The following OR6F1 variants were observed in gnomAD, a reference collection of about 807,000 sequenced individuals.
The protein encoded by OR6F1 is olfactory receptor family 6 subfamily F member 1.
For missense variants in OR6F1, 346 were observed against 376.0 expected, an observed-to-expected ratio of 0.92 and a Z score of 0.66; for synonymous variants, 144 against 150.0, an observed-to-expected ratio of 0.96 and a Z score of 0.29.
intron 1 of OR6F1, among the ~76,000 whole-genome samples, chr1:247,714,739 T>G (rs1010326273): frequency 6.6e-6 from 1 of 152,128 alleles, no homozygotes; most frequent in African/African-American, 2.4e-5. Flanking sequence ...TAGATACTGA[T>G]GGGTGACATA....
chr1:247,716,202 A>C (rs1660101361), intron 1 of OR6F1, 129 bp downstream of exon 1: 1 of 152,274 alleles, frequency 6.6e-6, no homozygotes, highest in Admixed American at 6.6e-5. Flanking sequence ...GCAGTGAGCC[A>C]GGATCGCGCC....
chr1:247,712,520 G>T lies in OR6F1; in HGVS notation c.236C>A (p.Pro79His), dbSNP rs1572461009. Reference protein sequence around the residue: ...LEIWYTTAAVPKALAILLGRS... With the variant: ...LEIWYTTAAVHKALAILLGRS... ...CCCCAGTAGGATGGCCAGTGCTTTGGGCACTGCTGCTGTGGTATACCAAAT... is the reference window on the plus strand; with the variant it reads ...CCCCAGTAGGATGGCCAGTGCTTTGTGCACTGCTGCTGTGGTATACCAAAT... The change falls in exon 3 of 3, where the codon CCC becomes CAC. Residue 79 changes from proline to histidine, a missense_variant. Pro to His is a moderately conservative substitution (Grantham distance 77, BLOSUM62 -2). Coordinates refer to ENST00000641470, the MANE Select transcript of OR6F1 (RefSeq NM_001005286.2). 2 of 1,613,288 alleles carry T rather than the reference G, an allele frequency of 1.2e-6. No individual in the cohort carries two copies. Among genetic ancestry groups the T allele is most frequent in the South Asian group, 2.2e-5 (2 of 91,062 alleles).
intron 1 of OR6F1, among the ~76,000 whole-genome samples, chr1:247,714,307 G>A (rs1343937527): frequency 2.0e-5 from 3 of 151,922 alleles, no homozygotes; most frequent in Admixed American, 1.3e-4. Flanking sequence ...ACAACTCTAG[G>A]GTCTTATCAT....
rs764017139 is a variant in OR6F1, at chr1:247,711,894, A to C, written c.862T>G (p.Phe288Val). ...TCCTTATTACGAAGCGTATAGATGA[A>C]GGGGTTTAAAACTGGAGTCACCACA... Reference protein sequence around the residue: ...NTVVTPVLNPFIYTLRNKEVR... With the variant: ...NTVVTPVLNPVIYTLRNKEVR... The change falls in exon 3 of 3, where the codon TTC becomes GTC. Residue 288 changes from phenylalanine to valine, a missense_variant. Phe to Val is a conservative substitution (Grantham distance 50, BLOSUM62 -1). Coordinates refer to ENST00000641470, the MANE Select transcript of OR6F1 (RefSeq NM_001005286.2). 6.2e-7 allele frequency: 1 copy of C among 1,613,844 alleles called. No homozygotes were observed. The highest frequency in any genetic ancestry group is 1.3e-5 in the African/African-American group (1 of 75,012).
chr1:247,714,898 G>A (rs538280775), intron 1 of OR6F1, among the ~76,000 whole-genome samples: 57 of 152,294 alleles, frequency 3.7e-4, no homozygotes, highest in Middle Eastern at 3.4e-3. Context: ...AAGTGCCAAT[G>A]TCAACTGTTA....
intron 2 of OR6F1, 68 bp from the exon 3 acceptor site, chr1:247,712,885 A>C (rs1660036193): frequency 1.7e-6 from 1 of 581,180 alleles, no homozygotes. Context: ...TGGAGATATG[A>C]TGTAACTTTC....
Position 247,712,141 on chromosome 1 carries a change from C to A in OR6F1, c.615G>T (p.Val205=). 1 of 1,614,144 alleles carries A rather than the reference C, an allele frequency of 6.2e-7. No individual in the cohort carries two copies. The highest frequency in any genetic ancestry group is 8.5e-7 in the Non-Finnish European group (1 of 1,180,002). The change falls in exon 3 of 3, where the codon GTG becomes GTT. Residue 205 remains valine, a synonymous_variant. Transcript: ENST00000641470. ...VELVAFVIAV[V]VILSSCLITF... is the part of the protein sequence containing the mutation. ...TGATGAGGCATGAACTCAGGATAAC[C>A]ACAACAGCAATCACAAAGGCCACAA...
In OR6F1 at chr1:247,712,510, C is replaced by T. The variant is rs1282890368; in HGVS notation, c.246G>A (p.Leu82=). ...WYTTAAVPKA[L]AILLGRSQTI... is the part of the protein sequence containing the mutation. Reference sequence around the variant, plus strand: ...TCTGACTTCTCCCCAGTAGGATGGCCAGTGCTTTGGGCACTGCTGCTGTGG... The same window carrying T: ...TCTGACTTCTCCCCAGTAGGATGGCTAGTGCTTTGGGCACTGCTGCTGTGG... The change falls in exon 3 of 3, where the codon CTG becomes CTA. Residue 82 remains leucine (L), a synonymous_variant. Coordinates refer to ENST00000641470, the MANE Select transcript of OR6F1 (RefSeq NM_001005286.2). 2.5e-6 allele frequency: 4 copies of T among 1,614,042 alleles called. No individual in the cohort carries two copies. The highest frequency in any genetic ancestry group is 3.4e-6 in the Non-Finnish European group (4 of 1,179,920).
chr1:247,713,752 G>A (rs1279456038), intron 2 of OR6F1, 139 bp downstream of exon 2: 1 of 394,514 alleles, frequency 2.5e-6, no homozygotes, highest in Non-Finnish European at 4.5e-6. Context: ...CCATCCTCAT[G>A]TGTCCTACCC....
At chr1:247,714,306 G>C (rs1660066143) in intron 1 of OR6F1, among the ~76,000 whole-genome samples, 1 of 152,086 alleles carries the variant, frequency 6.6e-6, no homozygotes, top group Admixed American at 6.6e-5. Context: ...GACAACTCTA[G>C]GGTCTTATCA....
chr1:247,715,409 T>A (rs1258825494), intron 1 of OR6F1, among the ~76,000 whole-genome samples: 8 of 152,212 alleles, frequency 5.3e-5, no homozygotes, highest in African/African-American at 1.9e-4. Flanking sequence ...CTAAAAATTA[T>A]AAAATAAATA....
rs372770592 is a variant in OR6F1, at chr1:247,712,423, C to T, written c.333G>A (p.Glu111=). 12 of 1,613,980 alleles carry T rather than the reference C, an allele frequency of 7.4e-6. No individual in the cohort carries two copies. The African/African-American group carries it at 1.1e-4, about 14-fold the overall frequency. The part of the protein sequence containing the change: ...MYFVFSLGCT[E]YFLLAAMAYD... Reference sequence around the variant, plus strand: ...AAGCCATGGCTGCCAGGAGGAAGTACTCTGTGCAGCCTAATGAGAAAACAA... The same window carrying T: ...AAGCCATGGCTGCCAGGAGGAAGTATTCTGTGCAGCCTAATGAGAAAACAA... Residue 111 remains glutamate (E), a synonymous_variant, in exon 3 of 3, where the codon GAG becomes GAA. Transcript: ENST00000641470.
At chr1:247,712,842 C>T in intron 2 of OR6F1, 25 bp from the exon 3 acceptor site, 1 of 673,636 alleles carries the variant, frequency 1.5e-6, no homozygotes, top group Non-Finnish European at 2.5e-6. Context: ...AGAATGGATT[C>T]ATGAAAGAGC....
intron 1 of OR6F1, among the ~76,000 whole-genome samples, chr1:247,714,222 T>C (rs1572462284): frequency 1.3e-5 from 2 of 152,190 alleles, no homozygotes; most frequent in East Asian, 3.9e-4. Flanking sequence ...AGACAAAAAA[T>C]AGAGAGACAC....
At chr1:247,715,791 T>G (rs1660094986) in intron 1 of OR6F1, among the ~76,000 whole-genome samples, 1 of 152,220 alleles carries the variant, frequency 6.6e-6, no homozygotes, top group Non-Finnish European at 1.5e-5. Context: ...ATTTCTTACA[T>G]CTGAAAAATA....
Position 247,712,452 on chromosome 1 carries a change from A to T in OR6F1, c.304T>A (p.Tyr102Asn). Residue 102 changes from tyrosine to asparagine, a missense_variant, in exon 3 of 3, where the codon TAC (tyrosine) becomes AAC (asparagine). By Grantham distance (143) the Tyr-to-Asn change is moderately radical. Transcript: ENST00000641470. ...ISFTSCLLQM[Y>N]FVFSLGCTEY... is the part of the protein sequence containing the mutation. ...GTGCAGCCTAATGAGAAAACAAAGT[A>T]CATCTGCAAAAGACAGCTTGTAAAT... The T allele has an allele frequency of 6.2e-7, 1 of 1,614,190 alleles. No individual in the cohort carries two copies.
rs774185943 is a variant in OR6F1 at position 247,712,383 on chromosome 1, C to G, written c.373G>C (p.Ala125Pro). 3 of 1,614,160 alleles carry G rather than the reference C, an allele frequency of 1.9e-6. No homozygotes were observed. In the South Asian group the frequency reaches 3.3e-5, roughly 18 times the overall value. ...LAAMAYDRCL[A>P]ICYPLHYGAI... ...CCGTAGTGTAAAGGATAGCAGATGG[C>G]AAGACAGCGGTCATAAGCCATGGCT... is the stretch of plus-strand genomic sequence containing the variant. The change falls in exon 3 of 3, where the codon GCC (alanine) becomes CCC (proline). Residue 125 changes from alanine (A) to proline (P), a missense_variant. Coordinates refer to ENST00000641470, the MANE Select transcript of OR6F1 (RefSeq NM_001005286.2).
chr1:247,714,446 G>A lies in OR6F1; in HGVS notation c.-126-492C>T, dbSNP rs553447172. 1.2e-4 allele frequency among the ~76,000 whole-genome samples: 18 copies of A among 151,024 alleles called. No homozygotes were observed. In the East Asian group the frequency reaches 1.9e-3, roughly 16 times the overall value. ...TGAGAACCCCTTCCTTTGTCTTGTC[G>A]CTTCTCTACAAATTTATTGTATTTT... On this transcript the variant is annotated intron_variant, in intron 1 of 2. Coordinates refer to ENST00000641470, the MANE Select transcript of OR6F1 (RefSeq NM_001005286.2).
rs1431804644 is a variant in OR6F1 at position 247,711,651 on chromosome 1, A to G, written c.*178T>C. On this transcript the variant is annotated 3_prime_UTR_variant, in exon 3 of 3. Transcript: ENST00000641470. ...TTAAAAATCCCATTTGCTTATGTCAAAAACTCCCATTTTTATCATACATGA... is the reference window on the plus strand; with the variant it reads ...TTAAAAATCCCATTTGCTTATGTCAGAAACTCCCATTTTTATCATACATGA... 1 of 501,448 alleles carries G rather than the reference A, an allele frequency of 2.0e-6. No homozygotes were observed. The highest frequency in any genetic ancestry group is 3.0e-5 in the East Asian group (1 of 32,918). The allele number at this position is 501,448 out of a possible 1,614,324, so 31.1% of individuals were successfully genotyped here.
Sources: allele counts gnomAD v4.1 joint callset (sites outside exome capture counted in the v4.1 genomes callset), GRCh38; gene constraint gnomAD v4.1.1; transcripts MANE v1.5; gene names NCBI Gene and HGNC (gene_info 2026-07-23, HGNC 2026-07-21).